ICA1: variants seen among roughly 807,000 people sequenced by gnomAD.
ICA1 encodes the protein islet cell autoantigen 1, also known as 69 kDa islet cell autoantigen.
Under a neutral mutation model 71.0 loss-of-function variants are expected in ICA1, and 40 were observed. The ratio of observed to expected loss-of-function variants is 0.56; its 90% CI spans 0.44 to 0.73. The LOEUF (loss-of-function observed/expected upper bound fraction) is 0.73. ICA1 is among the 30% of genes least tolerant of loss of function. The pLI is 0.00. For synonymous variants in ICA1, 207 were observed against 209.5 expected (o/e 0.99, Z 0.10); for missense variants, 578 against 576.5 (o/e 1.00, Z -0.03).
chr7:8,204,132 C>T (rs560983759), intron 6 of ICA1, among the ~76,000 whole-genome samples: 3 of 152,088 alleles, frequency 2.0e-5, no homozygotes, highest in African/African-American at 4.8e-5. Context: ...GTCAGAAAAA[C>T]GAGTTCAGAG....
Position 8,113,873 on chromosome 7 carries a change from AG to A in ICA1, c.*49del. The A allele has an allele frequency of 1.9e-6, 3 of 1,604,474 alleles. No individual in the cohort carries two copies. Among genetic ancestry groups the A allele is most frequent in the Non-Finnish European group, 2.6e-6 (3 of 1,171,398 alleles). The stretch of plus-strand genomic sequence containing the variant: ...TCACTTTATACTTCTGCTAGCCCCC[AG>A]GGGAGCTGCTGGGGGCGGCATGTGA... On this transcript the variant is annotated 3_prime_UTR_variant, in exon 14 of 14. Coordinates refer to ENST00000402384, the MANE Select transcript of ICA1 (RefSeq NM_001136020.3). This position sits in a 1 kb window ranked among gnomAD's most constrained non-coding sequence, Gnocchi z 4.2.
At chr7:8,247,839 A>G (rs1183965363) in intron 1 of ICA1, among the ~76,000 whole-genome samples, 1 of 152,250 alleles carries the variant, frequency 6.6e-6, no homozygotes, top group Non-Finnish European at 1.5e-5. Context: ...CAAAGAATCT[A>G]AAATTCTTGA....
chr7:8,186,134 C>T (rs1783839941), intron 6 of ICA1, among the ~76,000 whole-genome samples: 3 of 152,230 alleles, frequency 2.0e-5, no homozygotes, highest in Middle Eastern at 6.8e-3. Flanking sequence ...TGTGGATAGG[C>T]ACAGATCAAG....
At chr7:8,230,519 G>C (rs1481337644) in intron 3 of ICA1, among the ~76,000 whole-genome samples, 1 of 152,158 alleles carries the variant, frequency 6.6e-6, no homozygotes, top group African/African-American at 2.4e-5. Flanking sequence ...TAAATTATTT[G>C]TCACAGCTAA....
At chr7:8,176,029 A>G (rs1780526420) in intron 6 of ICA1, among the ~76,000 whole-genome samples, 1 of 151,962 alleles carries the variant, frequency 6.6e-6, no homozygotes. Flanking sequence ...TCATTCTGCA[A>G]CTCCCCTCAT....
At chr7:8,126,079 T>C (rs756699490) in intron 13 of ICA1, among the ~76,000 whole-genome samples, 1 of 152,250 alleles carries the variant, frequency 6.6e-6, no homozygotes, top group Non-Finnish European at 1.5e-5. Context: ...GAGCTCTGAC[T>C]TCTTGGCTGT....
rs1000790385 is a variant in ICA1, at chr7:8,169,023, T to A, written c.580-10371A>T. 3.3e-5 allele frequency among the ~76,000 whole-genome samples: 5 copies of A among 152,082 alleles called. No individual in the cohort carries two copies. In the South Asian group the frequency reaches 1.0e-3, roughly 32 times the overall value. On this transcript the variant is annotated intron_variant, in intron 6 of 13. Transcript: ENST00000402384. ...GTTGTAGTCAATTCCTTCCCTCAAGTCCCAGCTCCTGCCAACTACTAATCT... is the reference window on the plus strand; with the variant it reads ...GTTGTAGTCAATTCCTTCCCTCAAGACCCAGCTCCTGCCAACTACTAATCT...
intron 6 of ICA1, among the ~76,000 whole-genome samples, chr7:8,191,414 A>C (rs1282276430): frequency 6.6e-6 from 1 of 152,172 alleles, no homozygotes; most frequent in Non-Finnish European, 1.5e-5. Context: ...TACGCAAACA[A>C]CCACTCTGTT....
chr7:8,172,751 T>G (rs994906110), intron 6 of ICA1, among the ~76,000 whole-genome samples: 83 of 152,312 alleles, frequency 5.4e-4, no homozygotes, highest in African/African-American at 1.9e-3. Context: ...TTTTCAAGTT[T>G]TAAAATTCTC....
At chr7:8,191,739 A>C (rs535596778) in intron 6 of ICA1, among the ~76,000 whole-genome samples, 63 of 152,082 alleles carry the variant, frequency 4.1e-4, no homozygotes, top group South Asian at 6.2e-4. Context: ...ATTGTATAAT[A>C]TTATAACACA....
rs1481499413 is a variant in ICA1 at position 8,113,733 on chromosome 7, G to A, written c.*190C>T. The A allele has an allele frequency of 5.2e-6, 3 of 582,470 alleles. No individual in the cohort carries two copies. Among genetic ancestry groups the A allele is most frequent in the East Asian group, 3.1e-5 (1 of 32,280 alleles). 36.1% of individuals were successfully genotyped at this position (582,470 alleles called of 1,614,324 possible). On this transcript the variant is annotated 3_prime_UTR_variant, in exon 14 of 14. Coordinates refer to ENST00000402384, the MANE Select transcript of ICA1 (RefSeq NM_001136020.3). The surrounding 1 kb of genome is among the most constrained non-coding windows in gnomAD (Gnocchi z 4.2). Reference sequence around the variant, plus strand: ...CCTGTATTATTTAGATCCACATAGAGATACACGAAAACCCTTTATACCAAA... The same window carrying A: ...CCTGTATTATTTAGATCCACATAGAAATACACGAAAACCCTTTATACCAAA...
chr7:8,176,795 C>A (rs1427422365), intron 6 of ICA1, among the ~76,000 whole-genome samples: 1 of 152,198 alleles, frequency 6.6e-6, no homozygotes, highest in Non-Finnish European at 1.5e-5. Flanking sequence ...CATACATGCA[C>A]ATATTCTCAT....
At chr7:8,170,740 C>A (rs1034989964) in intron 6 of ICA1, among the ~76,000 whole-genome samples, 2 of 151,944 alleles carry the variant, frequency 1.3e-5, no homozygotes, top group South Asian at 2.1e-4. Flanking sequence ...CATAAAAATT[C>A]ATGTGGATAC....
chr7:8,141,991 T>C, intron 9 of ICA1, 174 bp from the exon 10 acceptor site: 2 of 1,501,698 alleles, frequency 1.3e-6, no homozygotes, highest in Non-Finnish European at 1.8e-6. Context: ...TGGCCTTCTT[T>C]CCCTTTCTGT....
intron 6 of ICA1, among the ~76,000 whole-genome samples, chr7:8,175,608 A>T (rs963811168): frequency 4.6e-5 from 7 of 152,212 alleles, no homozygotes; most frequent in African/African-American, 1.7e-4. Context: ...TGCAACCTTC[A>T]TTCAGATACT....
chr7:8,185,406 C>A (rs547258513), intron 6 of ICA1, among the ~76,000 whole-genome samples: 2 of 152,344 alleles, frequency 1.3e-5, no homozygotes, highest in South Asian at 4.1e-4. Context: ...ACCCACCCAC[C>A]AATCCATTTA....
In ICA1 at chr7:8,234,198, G is replaced by A. The variant is rs377441583; in HGVS notation, c.18-1443C>T. On this transcript the variant is annotated intron_variant, in intron 2 of 13. Transcript: ENST00000402384. The surrounding 1 kb of genome is among the most constrained non-coding windows in gnomAD (Gnocchi z 4.5). ...ACCACTGCACTTCATCCTGGGATAC[G>A]GGGCGAGACCCTGTCCCTCAAAAAA... Among the ~76,000 whole-genome samples the A allele has an allele frequency of 3.9e-5, 6 of 152,120 alleles. No individual in the cohort carries two copies. In the South Asian group the frequency reaches 6.2e-4, roughly 16 times the overall value.
intron 8 of ICA1, among the ~76,000 whole-genome samples, chr7:8,148,435 C>G (rs1208409756): frequency 6.6e-6 from 1 of 151,320 alleles, no homozygotes; most frequent in Non-Finnish European, 1.5e-5. Context: ...GTACATATAA[C>G]TTAGATTTAT....
At position 8,226,015 on chromosome 7, in the gene ICA1, C is replaced by CT. The variant is rs896603764; in HGVS notation, c.256+2585dup. On this transcript the variant is annotated intron_variant, in intron 4 of 13. Coordinates refer to ENST00000402384, the MANE Select transcript of ICA1 (RefSeq NM_001136020.3). The surrounding 1 kb of genome is among the most constrained non-coding windows in gnomAD (Gnocchi z 4.4). ...TGTTCCAAAACTACTGAGGTTAGTT[C>CT]TTTTTTTTTCTGATTCTGATCACTG... Among the ~76,000 whole-genome samples the CT allele has an allele frequency of 3.3e-5, 5 of 151,392 alleles. No individual in the cohort carries two copies. Among genetic ancestry groups the CT allele is most frequent in the East Asian group, 3.9e-4 (2 of 5,152 alleles).
Sources: gnomAD v4.1 joint callset for allele counts (sites outside exome capture counted in the v4.1 genomes callset) on GRCh38, gnomAD v4.1.1 for gene constraint, Gnocchi (gnomAD v3.1) non-coding constraint, MANE v1.5 for transcripts, NCBI Gene and HGNC (gene_info 2026-07-23, HGNC 2026-07-21) for gene names.